Variants in PDPR observed in about 807,000 individuals in gnomAD.
PDPR encodes pyruvate dehydrogenase phosphatase regulatory subunit, mitochondrial.
PDPR carries 50 observed loss-of-function variants against 102.2 expected under a neutral mutation model. That is an observed-to-expected ratio of 0.49 (90% CI 0.39 to 0.62). The LOEUF (loss-of-function observed/expected upper bound fraction) is 0.62, where lower values mean the gene tolerates loss of function less well. PDPR is among the 20% of genes least tolerant of loss of function. The pLI, the probability that PDPR is intolerant of heterozygous loss-of-function variation, is 0.00. For missense variants in PDPR, 625 were observed against 1,098.2 expected (o/e 0.57, Z 6.09); for synonymous variants, 259 against 406.0 (o/e 0.64, Z 4.35).
chr16:70,153,294 G>C, intron 17 of PDPR, 97 bp from the exon 18 acceptor site: 2 of 1,299,090 alleles, frequency 1.5e-6, no homozygotes, highest in Non-Finnish European at 2.1e-6. Context: ...CTCCTCTCTT[G>C]TCCATGTTAA....
Position 70,162,151 on chromosome 16 carries a change from A to G in PDPR, c.*5272A>G, listed in dbSNP as rs1291162879. 2 of 152,668 alleles carry G rather than the reference A, an allele frequency of 1.3e-5. No homozygotes were observed. The highest frequency in any genetic ancestry group is 1.9e-4 in the East Asian group (1 of 5,196). The allele number at this position is 152,668 out of a possible 1,614,324, so 9.5% of individuals were successfully genotyped here. A position where few individuals can be genotyped will look rare whatever the true frequency, so the allele number is the denominator to read the frequency against. Reference sequence around the variant, plus strand: ...TTCTTCGGAACAATGGGCGTGGGGTAGAAAGCTCTTTCAGTGAAGGGTGTT... The same window carrying G: ...TTCTTCGGAACAATGGGCGTGGGGTGGAAAGCTCTTTCAGTGAAGGGTGTT... On this transcript the variant is annotated 3_prime_UTR_variant, in exon 19 of 19. Transcript: ENST00000288050.
intron 9 of PDPR, among the ~76,000 whole-genome samples, chr16:70,132,642 C>T (rs568301148): frequency 6.9e-6 from 1 of 145,872 alleles, no homozygotes; most frequent in South Asian, 2.2e-4. Context: ...CTCCTGGTCT[C>T]ATAGCTTTTT....
At position 70,138,787 on chromosome 16, in the gene PDPR, G is replaced by T; in HGVS notation, c.1191-112G>T. 6 of 1,575,682 alleles carry T rather than the reference G, an allele frequency of 3.8e-6. No homozygotes were observed. In the South Asian group the frequency reaches 5.7e-5, roughly 15 times the overall value. On this transcript the variant is annotated intron_variant, in intron 10 of 18. Coordinates refer to ENST00000288050, the MANE Select transcript of PDPR (RefSeq NM_017990.5). ...TAAGGAAAGTGCCCAAAACTATTCA[G>T]CTGGTCTATGGCAATTTAGGATCTT...
At chr16:70,148,058 G>A (rs1254967811) in intron 16 of PDPR, among the ~76,000 whole-genome samples, 4 of 152,228 alleles carry the variant, frequency 2.6e-5, no homozygotes, top group Admixed American at 1.3e-4. Context: ...TGTGGGCATC[G>A]GGCATCATCT....
intron 3 of PDPR, among the ~76,000 whole-genome samples, chr16:70,126,881 G>C (rs560060969): frequency 3.5e-4 from 53 of 152,288 alleles, no homozygotes; most frequent in African/African-American, 1.2e-3. Context: ...TTCTCACCCT[G>C]TTGCCCAAGC....
At chr16:70,124,460 T>A (rs567546785) in intron 3 of PDPR, among the ~76,000 whole-genome samples, 1 of 152,386 alleles carries the variant, frequency 6.6e-6, no homozygotes, top group South Asian at 2.1e-4. Context: ...TTCACTATTG[T>A]TCTCATAGAT....
At chr16:70,142,829 G>T in intron 13 of PDPR, 143 bp downstream of exon 13, 2 of 1,377,136 alleles carry the variant, frequency 1.5e-6, no homozygotes, top group Non-Finnish European at 2.0e-6. Flanking sequence ...GAGGCCAAGG[G>T]GGCGTGGATC....
chr16:70,147,431 G>C (rs1253082637), intron 16 of PDPR: 5 of 373,402 alleles, frequency 1.3e-5, no homozygotes, highest in African/African-American at 1.1e-4. Context: ...TCTCCATGCA[G>C]TGTGGCCTCT....
In PDPR at chr16:70,162,002, A is replaced by C. The variant is rs998265796; in HGVS notation, c.*5123A>C. On this transcript the variant is annotated 3_prime_UTR_variant, in exon 19 of 19. Coordinates refer to ENST00000288050, the MANE Select transcript of PDPR (RefSeq NM_017990.5). ...ACCAAGAACTGGAGCTTAGAGCCCC[A>C]CTATTCTCTAAGCCAGGTTCTAGTG... 1.3e-5 allele frequency: 2 copies of C among 152,374 alleles called. No homozygotes were observed. The highest frequency in any genetic ancestry group is 4.8e-5 in the African/African-American group (2 of 41,462). The allele number at this position is 152,374 out of a possible 1,614,324, so 9.4% of individuals were successfully genotyped here. A position where few individuals can be genotyped will look rare whatever the true frequency, so the allele number is the denominator to read the frequency against.
At chr16:70,116,065 G>C (rs3896540) in intron 2 of PDPR, among the ~76,000 whole-genome samples, 30,719 of 147,316 alleles carry the variant, frequency 0.21, 4,823 homozygotes, top group African/African-American at 0.45. Context: ...CACAAGGTCA[G>C]AGATCCCTTT....
At position 70,130,437 on chromosome 16, in the gene PDPR, G is replaced by A. The variant is rs1288322060; in HGVS notation, c.622G>A (p.Asp208Asn). 3.7e-6 allele frequency: 6 copies of A among 1,613,578 alleles called. No homozygotes were observed. The highest frequency in any genetic ancestry group is 3.3e-5 in the Admixed American group (2 of 59,950). ...CCTTGGAACAGGTGTTCAGATCTAT[G>A]ACCGGACATCTGTTCTTCATGTAAT... ...AASQNGVQIY[D>N]RTSVLHVMVK... is the part of the protein sequence containing the mutation. The change falls in exon 7 of 19, where the codon GAC (aspartate) becomes AAC (asparagine). Residue 208 changes from aspartate to asparagine, a missense_variant. Physicochemically the swap from Asp to Asn is conservative, Grantham distance 23 (BLOSUM62 1). This residue lies in a region of PDPR where 35 missense variants were observed against 63.5 expected (regional missense o/e 0.55). Transcript: ENST00000288050.
At chr16:70,144,614 C>G in intron 15 of PDPR, 81 bp downstream of exon 15, 1 of 515,802 alleles carries the variant, frequency 1.9e-6, no homozygotes, top group Non-Finnish European at 3.6e-6. Flanking sequence ...ACATTTGACT[C>G]TCAAAAATGA....
At chr16:70,136,050 C>T in intron 9 of PDPR, 144 bp from the exon 10 acceptor site, 2 of 776,606 alleles carry the variant, frequency 2.6e-6, no homozygotes, top group Non-Finnish European at 3.9e-6. Context: ...GCCGGGGCGA[C>T]AGAGTGAGAC....
chr16:70,136,190 T>C lies in PDPR; in HGVS notation c.998-4T>C, dbSNP rs1434555982. ...CTCTATTTGGTTTTGTTGTCATTGC[T>C]CAGAGCCTCTGTTGAGTTCCCTTCT... On this transcript the variant is annotated splice_region_variant and splice_polypyrimidine_tract_variant and intron_variant, in intron 9 of 18. Transcript: ENST00000288050. The C allele has an allele frequency of 6.4e-7, 1 of 1,555,934 alleles. No homozygotes were observed. The highest frequency in any genetic ancestry group is 1.1e-5 in the South Asian group (1 of 87,834).
rs1021335135 is a variant in PDPR, at chr16:70,161,046, A to C, written c.*4167A>C. On this transcript the variant is annotated 3_prime_UTR_variant, in exon 19 of 19. Transcript: ENST00000288050. ...TGGCTTGCTTTCAGGGGTTAGCTAC[A>C]AGATTCAGCTTTATATCTCTGTTGC... 1 of 152,674 alleles carries C rather than the reference A, an allele frequency of 6.5e-6. No individual in the cohort carries two copies. Among genetic ancestry groups the C allele is most frequent in the Non-Finnish European group, 1.5e-5 (1 of 68,308 alleles). 9.5% of individuals were successfully genotyped at this position (152,674 alleles called of 1,614,324 possible). A position where few individuals can be genotyped will look rare whatever the true frequency, so the allele number is the denominator to read the frequency against.
At chr16:70,119,626 T>C (rs1051706672) in intron 2 of PDPR, among the ~76,000 whole-genome samples, 3 of 149,656 alleles carry the variant, frequency 2.0e-5, no homozygotes, top group African/African-American at 7.6e-5. Flanking sequence ...GCCAAATGTA[T>C]AGCTCGTTCC....
chr16:70,151,880 T>G (rs1966766002), intron 17 of PDPR, among the ~76,000 whole-genome samples: 1 of 152,274 alleles, frequency 6.6e-6, no homozygotes, highest in Admixed American at 6.5e-5. Flanking sequence ...TCTCTGGTAT[T>G]TTGTGAGAAA....
chr16:70,120,344 C>G (rs1242721371), intron 2 of PDPR, 117 bp from the exon 3 acceptor site: 2 of 656,686 alleles, frequency 3.0e-6, no homozygotes, highest in East Asian at 5.6e-5. Flanking sequence ...GGCACCATGC[C>G]CAGCCACCCT....
chr16:70,138,211 T>C (rs1965358318), intron 10 of PDPR, among the ~76,000 whole-genome samples: 1 of 35,618 alleles, frequency 2.8e-5, no homozygotes, highest in African/African-American at 1.2e-4. Flanking sequence ...CGGCTAATTT[T>C]TTTTTTTTTT....
Sources: gnomAD v4.1 joint callset for allele counts (sites outside exome capture counted in the v4.1 genomes callset) on GRCh38, gnomAD v4.1.1 for gene constraint, gnomAD v4.1.1 regional missense constraint, MANE v1.5 for transcripts, NCBI Gene and HGNC (gene_info 2026-07-23, HGNC 2026-07-21) for gene names.